RBFOX1: variants seen among roughly 807,000 people sequenced by gnomAD.
RBFOX1 encodes RNA binding protein fox-1 homolog 1.
RBFOX1 carries 8 observed loss-of-function variants against 57.7 expected under a neutral mutation model. The observed-to-expected ratio is 0.14, with a 90% CI of 0.08 to 0.25. The LOEUF (loss-of-function observed/expected upper bound fraction) is 0.25, where lower values mean the gene tolerates loss of function less well. Ranked by LOEUF, RBFOX1 falls within the 10% of genes least tolerant of loss-of-function variation. The pLI, the probability that RBFOX1 is intolerant of heterozygous loss-of-function variation, is 1.00. For missense variants in RBFOX1, 611 were observed against 548.5 expected (o/e 1.11, Z -1.14); for synonymous variants, 326 against 222.4 (o/e 1.47, Z -4.15).
At chr16:7,630,796 C>G (rs1454659710) in intron 11 of RBFOX1, 113 bp downstream of exon 11, 2 of 1,501,846 alleles carry the variant, frequency 1.3e-6, no homozygotes, top group Non-Finnish European at 1.8e-6. Context: ...TCTTGTGGCT[C>G]TCTCTGAGGT....
intron 4 of RBFOX1, among the ~76,000 whole-genome samples, chr16:5,933,298 G>A (rs1824758757): frequency 6.6e-6 from 1 of 152,170 alleles, no homozygotes; most frequent in Non-Finnish European, 1.5e-5. Context: ...ACCAAGTCAA[G>A]GGGAGTCAAT....
chr16:6,142,841 T>C (rs1228039458), intron 1 of RBFOX1, among the ~76,000 whole-genome samples: 3 of 152,234 alleles, frequency 2.0e-5, no homozygotes, highest in Non-Finnish European at 4.4e-5. Context: ...AGATCGTCTC[T>C]GTCATTCAAG....
chr16:5,557,640 C>G (rs564254881), intron 2 of RBFOX1, among the ~76,000 whole-genome samples: 1 of 152,028 alleles, frequency 6.6e-6, no homozygotes, highest in African/African-American at 2.4e-5. Flanking sequence ...GTGCAAAGGC[C>G]CTGAGGCATT....
intron 4 of RBFOX1, among the ~76,000 whole-genome samples, chr16:7,353,760 C>A (rs867419495): frequency 6.6e-6 from 1 of 152,040 alleles, no homozygotes. Flanking sequence ...ATAAGCAAAC[C>A]TATAGTAGCT....
At chr16:7,273,521 T>G (rs1382168161) in intron 4 of RBFOX1, among the ~76,000 whole-genome samples, 1 of 152,158 alleles carries the variant, frequency 6.6e-6, no homozygotes, top group African/African-American at 2.4e-5. Context: ...TTAGCATATA[T>G]AAGCTCAGTA....
At chr16:6,635,672 A>G (rs913141082) in intron 2 of RBFOX1, among the ~76,000 whole-genome samples, 13 of 152,302 alleles carry the variant, frequency 8.5e-5, no homozygotes, top group Admixed American at 6.5e-5. Context: ...AGTAAATCCA[A>G]TGAGTCTTAC....
At chr16:6,510,916 A>T (rs1347402408) in intron 2 of RBFOX1, among the ~76,000 whole-genome samples, 2 of 152,092 alleles carry the variant, frequency 1.3e-5, no homozygotes, top group African/African-American at 4.8e-5. Flanking sequence ...CTGACTCATA[A>T]TTTTAAGCAT....
chr16:7,268,189 C>A (rs1028051571), intron 4 of RBFOX1, among the ~76,000 whole-genome samples: 2 of 152,202 alleles, frequency 1.3e-5, no homozygotes, highest in African/African-American at 4.8e-5. Context: ...ACTGCATTAA[C>A]GTCTTATGGG....
chr16:7,120,722 T>C (rs1416533627), intron 4 of RBFOX1, among the ~76,000 whole-genome samples: 1 of 149,130 alleles, frequency 6.7e-6, no homozygotes, highest in Non-Finnish European at 1.5e-5. Flanking sequence ...ATACACAGTC[T>C]CTTACAGAAA....
chr16:5,451,006 A>C (rs1285053903), intron 1 of RBFOX1, among the ~76,000 whole-genome samples: 1 of 152,194 alleles, frequency 6.6e-6, no homozygotes, highest in Non-Finnish European at 1.5e-5. Flanking sequence ...TGTGATGATT[A>C]AATTAGGTCA....
intron 1 of RBFOX1, among the ~76,000 whole-genome samples, chr16:6,030,098 T>A (rs928058148): frequency 2.0e-5 from 3 of 152,130 alleles, no homozygotes; most frequent in African/African-American, 7.2e-5. Flanking sequence ...TTTAAATTTT[T>A]GTATTTTTTT....
intron 4 of RBFOX1, among the ~76,000 whole-genome samples, chr16:5,915,174 A>T (rs1156939909): frequency 6.6e-6 from 1 of 152,166 alleles, no homozygotes; most frequent in Non-Finnish European, 1.5e-5. Flanking sequence ...AGGTATCTAG[A>T]TTGTAGATGG....
At chr16:6,340,668 T>A (rs1489781363) in intron 2 of RBFOX1, among the ~76,000 whole-genome samples, 1 of 152,138 alleles carries the variant, frequency 6.6e-6, no homozygotes, top group African/African-American at 2.4e-5. Flanking sequence ...CATCTTGGTA[T>A]TGGTGGATCT....
chr16:6,781,819 C>T (rs536076737), intron 3 of RBFOX1, among the ~76,000 whole-genome samples: 7 of 152,102 alleles, frequency 4.6e-5, no homozygotes, highest in East Asian at 1.9e-4. Context: ...TTTTTCTTAG[C>T]GTGGCTAAAG....
intron 3 of RBFOX1, among the ~76,000 whole-genome samples, chr16:5,615,731 G>C (rs763769971): frequency 1.1e-4 from 16 of 152,214 alleles, no homozygotes; most frequent in Non-Finnish European, 2.1e-4. Flanking sequence ...CCTGAGCCTG[G>C]ATCAACTTGG....
At chr16:5,560,521 C>T (rs1357177946) in intron 2 of RBFOX1, among the ~76,000 whole-genome samples, 1 of 152,180 alleles carries the variant, frequency 6.6e-6, no homozygotes, top group Non-Finnish European at 1.5e-5. Flanking sequence ...GGGCAAGGCC[C>T]CTGGATTCCT....
At chr16:7,524,340 T>A (rs2078194196) in intron 5 of RBFOX1, among the ~76,000 whole-genome samples, 1 of 152,166 alleles carries the variant, frequency 6.6e-6, no homozygotes, top group Non-Finnish European at 1.5e-5. Context: ...ATCCTTTTAG[T>A]TCCCCACAGG....
chr16:7,220,092 A>G (rs1603320653), intron 4 of RBFOX1, among the ~76,000 whole-genome samples: 1 of 152,214 alleles, frequency 6.6e-6, no homozygotes, highest in Non-Finnish European at 1.5e-5. Flanking sequence ...AATTGTGTGT[A>G]TCAGACCAAA....
At chr16:6,999,207 T>TTTTATTTTTTA (rs59890948) in intron 3 of RBFOX1, among the ~76,000 whole-genome samples, 22 of 95,894 alleles carry the variant, frequency 2.3e-4, no homozygotes, top group East Asian at 5.5e-4. Flanking sequence ...TTATTTTTTA[T>TTTTATTTTTTA]TTTTATTTAT....
Sources: gnomAD v4.1 joint callset for allele counts (sites outside exome capture counted in the v4.1 genomes callset) on GRCh38, gnomAD v4.1.1 for gene constraint, MANE v1.5 for transcripts, NCBI Gene and HGNC (gene_info 2026-07-23, HGNC 2026-07-21) for gene names.